The following HSD17B2 variants were observed in gnomAD, a reference collection of about 807,000 sequenced individuals.
HSD17B2 encodes hydroxysteroid 17-beta dehydrogenase 2, also known as 17-beta-hydroxysteroid dehydrogenase type 2.
HSD17B2 carries 32 observed loss-of-function variants against 26.9 expected under a neutral mutation model. The ratio of observed to expected loss-of-function variants is 1.19; its 90% CI spans 0.90 to 1.60. The LOEUF is 1.60. Among genes scored for constraint, HSD17B2 ranks in the 40% most tolerant of loss-of-function variants. The pLI is 0.00. For synonymous variants in HSD17B2, 246 were observed against 186.7 expected (o/e 1.32, Z -2.59); for missense variants, 613 against 468.6 (o/e 1.31, Z -2.85).
chr16:82,071,211 C>G, intron 3 of HSD17B2, 84 bp downstream of exon 3: 1 of 1,336,796 alleles, frequency 7.5e-7, no homozygotes, highest in Non-Finnish European at 1.1e-6. Flanking sequence ...AACAAAAATG[C>G]AGGGCATGCA....
chr16:82,094,248 C>G (rs1904773968), intron 4 of HSD17B2: 1 of 152,192 alleles, frequency 6.6e-6, no homozygotes, highest in Non-Finnish European at 1.5e-5. Flanking sequence ...TGGAGTTACT[C>G]TTGTTCAAAT....
At chr16:82,090,844 T>C (rs979613873) in intron 3 of HSD17B2, 58 bp from the exon 4 acceptor site, 12 of 1,480,914 alleles carry the variant, frequency 8.1e-6, no homozygotes, top group African/African-American at 7.1e-5. Context: ...TAAATATTTA[T>C]TGGATGAACA....
At chr16:82,090,431 G>A (rs1050731031) in intron 3 of HSD17B2, among the ~76,000 whole-genome samples, 5 of 138,208 alleles carry the variant, frequency 3.6e-5, no homozygotes, top group South Asian at 2.4e-4. Context: ...CGATTCTTAC[G>A]TCTCAGCCTC....
At chr16:82,035,794 G>C in intron 1 of HSD17B2, 105 bp downstream of exon 1, 2 of 1,233,938 alleles carry the variant, frequency 1.6e-6, no homozygotes, top group South Asian at 1.4e-5. Context: ...ACTTGGCATG[G>C]AGTAAATGAA....
At chr16:82,079,936 G>A (rs1002663653) in intron 3 of HSD17B2, among the ~76,000 whole-genome samples, 2 of 152,152 alleles carry the variant, frequency 1.3e-5, no homozygotes, top group South Asian at 2.1e-4. Context: ...TTGAAGCAAG[G>A]TGCATGGAGG....
intron 3 of HSD17B2, among the ~76,000 whole-genome samples, chr16:82,076,291 G>A (rs1259100912): frequency 6.6e-6 from 1 of 152,108 alleles, no homozygotes; most frequent in Non-Finnish European, 1.5e-5. Flanking sequence ...ATGCTGAATG[G>A]GAACAAACTG....
At position 82,066,033 on chromosome 16, in the gene HSD17B2, G is replaced by A. The variant is rs1398608321; in HGVS notation, c.266-2137G>A. Among the ~76,000 whole-genome samples, 3 of 152,256 alleles carry A rather than the reference G, an allele frequency of 2.0e-5. No homozygotes were observed. The East Asian group carries it at 5.8e-4, about 29-fold the overall frequency. On this transcript the variant is annotated intron_variant, in intron 1 of 4. Transcript: ENST00000199936. ...ATCTGGCCTCAGCACTGTGGATCCA[G>A]AAGTTGGATTTGTCCAGCAACAGGT...
chr16:82,090,302 GTTTTTTTTTTTTTTTTTT>G lies in HSD17B2; in HGVS notation c.665-583_665-566del, dbSNP rs35272646. The G allele has an allele frequency of 8.3e-3, 335 of 40,130 alleles. 4 individuals are homozygous for G. Among genetic ancestry groups the G allele is most frequent in the African/African-American group, 0.034 (294 of 8,626 alleles). The allele number at this position is 40,130 out of a possible 1,614,324, so 2.5% of individuals were successfully genotyped here. A position where few individuals can be genotyped will look rare whatever the true frequency, so the allele number is the denominator to read the frequency against. On this transcript the variant is annotated intron_variant, in intron 3 of 4. Transcript: ENST00000199936. ...CTCTTCATCTTACCTAAACTACATT[GTTTTTTTTTTTTTTTTTT>G]TTTTTTTTTTTTTTTTGAGACGGAG...
chr16:82,098,057 C>T lies in HSD17B2; in HGVS notation c.803-18C>T, dbSNP rs777241447. On this transcript the variant is annotated intron_variant, in intron 4 of 4. Coordinates refer to ENST00000199936, the MANE Select transcript of HSD17B2 (RefSeq NM_002153.3). The stretch of plus-strand genomic sequence containing the variant: ...TGGCCTTCCCAGGATCTGACTCTTC[C>T]CTTTCCTTTCACCCCAGATATCGCA... 27 of 1,596,042 alleles carry T rather than the reference C, an allele frequency of 1.7e-5. No individual in the cohort carries two copies. The highest frequency in any genetic ancestry group is 2.3e-5 in the Non-Finnish European group (27 of 1,170,248).
At chr16:82,061,490 G>A (rs1490808260) in intron 1 of HSD17B2, among the ~76,000 whole-genome samples, 1 of 152,134 alleles carries the variant, frequency 6.6e-6, no homozygotes, top group Non-Finnish European at 1.5e-5. Context: ...TTGAACCCAG[G>A]TCTCCCAGCT....
chr16:82,091,241 C>A, intron 4 of HSD17B2: 2 of 636,444 alleles, frequency 3.1e-6, no homozygotes, highest in South Asian at 3.5e-5. Context: ...CTGATTTGTG[C>A]GAAGGTGTTT....
intron 1 of HSD17B2, among the ~76,000 whole-genome samples, chr16:82,062,773 T>C (rs146689175): frequency 1.3e-5 from 2 of 152,360 alleles, no homozygotes; most frequent in African/African-American, 4.8e-5. Flanking sequence ...TGGGTAACTC[T>C]TATGAAACAC....
chr16:82,070,392 G>A (rs8191165), intron 2 of HSD17B2, among the ~76,000 whole-genome samples: 4,007 of 152,166 alleles, frequency 0.026, 166 homozygotes, highest in African/African-American at 0.09. Context: ...CTTCCACCTC[G>A]GCTATCCCAA....
intron 1 of HSD17B2, among the ~76,000 whole-genome samples, chr16:82,036,866 G>A (rs1285687391): frequency 6.6e-6 from 1 of 152,198 alleles, no homozygotes; most frequent in East Asian, 1.9e-4. Flanking sequence ...ATTCTCAAAT[G>A]GCTTATCGGT....
At chr16:82,060,076 C>G (rs749697636) in intron 1 of HSD17B2, among the ~76,000 whole-genome samples, 1 of 152,150 alleles carries the variant, frequency 6.6e-6, no homozygotes, top group African/African-American at 2.4e-5. Context: ...CAGGGCAGTC[C>G]TAAGTATGCT....
At chr16:82,066,674 C>T (rs547238246) in intron 1 of HSD17B2, among the ~76,000 whole-genome samples, 17 of 151,948 alleles carry the variant, frequency 1.1e-4, no homozygotes, top group Non-Finnish European at 2.1e-4. Context: ...TTTACATTTC[C>T]ACACCTCGCT....
At chr16:82,048,095 C>T (rs1375516779) in intron 1 of HSD17B2, among the ~76,000 whole-genome samples, 1 of 152,120 alleles carries the variant, frequency 6.6e-6, no homozygotes, top group East Asian at 1.9e-4. Context: ...GGCTAAAATA[C>T]AAGAAACAGC....
At position 82,071,194 on chromosome 16, in the gene HSD17B2, G is replaced by A. The variant is rs563061154; in HGVS notation, c.664+67G>A. 4.7e-6 allele frequency: 7 copies of A among 1,491,354 alleles called. No homozygotes were observed. The South Asian group carries it at 7.9e-5, about 17-fold the overall frequency. 92.4% of individuals were successfully genotyped at this position (1,491,354 alleles called of 1,614,324 possible). ...CAAGACATGGCTCATGGCATTCTAT[G>A]TGGGCGAACAAAAATGCAGGGCATG... On this transcript the variant is annotated intron_variant, in intron 3 of 4. Transcript: ENST00000199936.
intron 1 of HSD17B2, among the ~76,000 whole-genome samples, chr16:82,048,695 C>T (rs981497163): frequency 1.1e-4 from 17 of 152,110 alleles, no homozygotes; most frequent in African/African-American, 2.2e-4. Context: ...CTATAGACAT[C>T]GCAGCTTTTG....
Sources: allele counts gnomAD v4.1 joint callset (sites outside exome capture counted in the v4.1 genomes callset), GRCh38; gene constraint gnomAD v4.1.1; transcripts MANE v1.5; gene names NCBI Gene and HGNC (gene_info 2026-07-23, HGNC 2026-07-21).